Variants in ALDH1A2 observed in about 807,000 individuals in gnomAD.
ALDH1A2 encodes the protein aldehyde dehydrogenase 1 family member A2, also known as retinal dehydrogenase 2.
Under a neutral mutation model 60.3 loss-of-function variants are expected in ALDH1A2, and 27 were observed. The observed-to-expected ratio is 0.45, with a 90% CI of 0.33 to 0.62. ALDH1A2 has a LOEUF of 0.62. ALDH1A2 is among the 20% of genes least tolerant of loss of function. The pLI is 0.02. For synonymous variants in ALDH1A2, 289 were observed against 232.4 expected (o/e 1.24, Z -2.21); for missense variants, 581 against 643.8 (o/e 0.90, Z 1.06).
At position 57,987,554 on chromosome 15, in the gene ALDH1A2, A is replaced by G. The variant is rs571829858; in HGVS notation, c.798+5151T>C. ...ATAAAACACAAACTGTCACATTAGA[A>G]TTTTATATCCAGAAAAAAAAGTTAG... is the stretch of plus-strand genomic sequence containing the variant. On this transcript the variant is annotated intron_variant, in intron 7 of 12. Coordinates refer to ENST00000249750, the MANE Select transcript of ALDH1A2 (RefSeq NM_003888.4). Among the ~76,000 whole-genome samples the G allele has an allele frequency of 3.0e-4, 45 of 152,284 alleles. No individual in the cohort carries two copies. The South Asian group carries it at 8.1e-3, about 27-fold the overall frequency.
chr15:58,053,320 T>G (rs1229429766), intron 1 of ALDH1A2, among the ~76,000 whole-genome samples: 1 of 152,098 alleles, frequency 6.6e-6, no homozygotes, highest in Admixed American at 6.5e-5. Context: ...AAAACTAAAA[T>G]TGGTGTGGAA....
chr15:58,054,866 T>C (rs34770353), intron 1 of ALDH1A2, among the ~76,000 whole-genome samples: 271 of 152,264 alleles, frequency 1.8e-3, no homozygotes, highest in African/African-American at 6.1e-3. Flanking sequence ...AAATCACATA[T>C]TCCCAGGTGA....
intron 1 of ALDH1A2, among the ~76,000 whole-genome samples, chr15:58,057,566 T>C (rs1896926995): frequency 6.6e-6 from 1 of 152,200 alleles, no homozygotes; most frequent in Non-Finnish European, 1.5e-5. Context: ...CTGCTTTACT[T>C]TTCTGTATGA....
At chr15:58,040,013 C>T (rs1469602903) in intron 1 of ALDH1A2, among the ~76,000 whole-genome samples, 1 of 151,826 alleles carries the variant, frequency 6.6e-6, no homozygotes, top group Admixed American at 6.6e-5. Context: ...TCAACAGTCA[C>T]GGTTCTAATA....
At chr15:57,958,252 G>A (rs568939497) in intron 12 of ALDH1A2, among the ~76,000 whole-genome samples, 5 of 142,930 alleles carry the variant, frequency 3.5e-5, no homozygotes, top group African/African-American at 7.8e-5. Context: ...CTGATTTAGA[G>A]TATCTAACAA....
intron 1 of ALDH1A2, chr15:58,058,075 A>G (rs1232827807): frequency 2.0e-6 from 3 of 1,534,046 alleles, no homozygotes; most frequent in South Asian, 1.2e-5. Context: ...TCTTCTCCCA[A>G]AAAGGATTCT....
chr15:57,965,612 G>A (rs1566930482), intron 8 of ALDH1A2, 113 bp downstream of exon 8: 4 of 865,374 alleles, frequency 4.6e-6, no homozygotes, highest in Non-Finnish European at 7.9e-6. Flanking sequence ...AGATCTTTTT[G>A]ATTGCCCTTA....
intron 1 of ALDH1A2, among the ~76,000 whole-genome samples, chr15:58,021,693 G>C (rs1310593609): frequency 6.6e-6 from 1 of 152,214 alleles, no homozygotes; most frequent in African/African-American, 2.4e-5. Context: ...GCTGTCCTGG[G>C]GCCCAGCAGT....
At chr15:58,001,842 A>T in intron 4 of ALDH1A2, among the ~76,000 whole-genome samples, 1 of 151,930 alleles carries the variant, frequency 6.6e-6, no homozygotes, top group Admixed American at 6.6e-5. Flanking sequence ...CTTAGCATAA[A>T]AAAGGACTGC....
chr15:57,976,487 A>G (rs1259876047), intron 7 of ALDH1A2, among the ~76,000 whole-genome samples: 1 of 151,004 alleles, frequency 6.6e-6, no homozygotes, highest in Non-Finnish European at 1.5e-5. Context: ...TCATTGTTCA[A>G]CTCTCACTTA....
chr15:58,058,467 TCAAA>T (rs1390702510), intron 1 of ALDH1A2, among the ~76,000 whole-genome samples: 21 of 127,452 alleles, frequency 1.6e-4, no homozygotes, highest in African/African-American at 3.0e-4. Flanking sequence ...GAAATGATAT[TCAAA>T]AAAAAAAAAA....
intron 1 of ALDH1A2, among the ~76,000 whole-genome samples, chr15:58,028,471 T>C (rs1896139042): frequency 6.6e-6 from 1 of 152,116 alleles, no homozygotes; most frequent in Admixed American, 6.5e-5. Context: ...AGACCATCCA[T>C]GCTATGAAGA....
chr15:57,985,154 T>TG (rs1894654515), intron 7 of ALDH1A2, among the ~76,000 whole-genome samples: 1 of 152,224 alleles, frequency 6.6e-6, no homozygotes, highest in African/African-American at 2.4e-5. Flanking sequence ...TCCAATGCCT[T>TG]GATGTGCATA....
intron 12 of ALDH1A2, among the ~76,000 whole-genome samples, chr15:57,956,919 A>G (rs1176051228): frequency 2.6e-5 from 4 of 152,146 alleles, no homozygotes; most frequent in Non-Finnish European, 5.9e-5. Flanking sequence ...CCTCACAATT[A>G]TGGTTGCTTT....
chr15:57,963,951 G>T lies in ALDH1A2; in HGVS notation c.1020C>A (p.Ser340Arg). Residue 340 changes from serine (S) to arginine (R), a missense_variant, in exon 9 of 13, where the codon AGC (serine) becomes AGA (arginine). Coordinates refer to ENST00000249750, the MANE Select transcript of ALDH1A2 (RefSeq NM_003888.4). ...ESIYEEFVRR[S>R]VERAKRRVVG... is the part of the protein sequence containing the mutation. ...CTACGCGCCTCTTGGCCCGCTCCAC[G>T]CTTCTTCTCACAAACTCCTCATAGA... 1 of 1,614,102 alleles carries T rather than the reference G, an allele frequency of 6.2e-7. No homozygotes were observed. Among genetic ancestry groups the T allele is most frequent in the Non-Finnish European group, 8.5e-7 (1 of 1,180,004 alleles).
At chr15:58,033,221 T>C (rs577511740) in intron 1 of ALDH1A2, among the ~76,000 whole-genome samples, 1 of 152,048 alleles carries the variant, frequency 6.6e-6, no homozygotes, top group East Asian at 1.9e-4. Flanking sequence ...TTTACCCCCA[T>C]AAATATGTGC....
chr15:57,963,763 G>A, intron 9 of ALDH1A2, 122 bp downstream of exon 9: 1 of 983,216 alleles, frequency 1.0e-6, no homozygotes, highest in African/African-American at 1.6e-5. Flanking sequence ...CGAAGACATG[G>A]TGGAGAATAA....
chr15:58,021,096 C>A (rs1169496030), intron 1 of ALDH1A2, among the ~76,000 whole-genome samples: 1 of 152,128 alleles, frequency 6.6e-6, no homozygotes, highest in Non-Finnish European at 1.5e-5. Flanking sequence ...CTTTTCCTGT[C>A]TTTCTGCTCT....
chr15:58,062,754 G>A (rs1050293524), intron 1 of ALDH1A2, among the ~76,000 whole-genome samples: 4 of 152,176 alleles, frequency 2.6e-5, no homozygotes, highest in Non-Finnish European at 4.4e-5. Context: ...CCAGCTTGCT[G>A]TATTAGGGAA....
Sources: gnomAD v4.1 joint callset for allele counts (sites outside exome capture counted in the v4.1 genomes callset) on GRCh38, gnomAD v4.1.1 for gene constraint, MANE v1.5 for transcripts, NCBI Gene and HGNC (gene_info 2026-07-23, HGNC 2026-07-21) for gene names.